The following AHI1 variants were observed in gnomAD, a reference collection of about 807,000 sequenced individuals.
AHI1 encodes jouberin.
In AHI1, 123 loss-of-function variants were observed where a neutral mutation model predicts 149.3. The ratio of observed to expected loss-of-function variants is 0.82; its 90% confidence interval spans 0.71 to 0.96. The LOEUF is 0.96. Ranked by LOEUF, AHI1 falls within the 40% of genes least tolerant of loss-of-function variation. The pLI is 0.00. For missense variants in AHI1, 1,439 were observed against 1,422.7 expected (o/e 1.01, Z -0.18); for synonymous variants, 475 against 459.8 (o/e 1.03, Z -0.42).
chr6:135,310,135 C>T (rs1161061496), intron 26 of AHI1, among the ~76,000 whole-genome samples: 1 of 152,066 alleles, frequency 6.6e-6, no homozygotes, highest in Admixed American at 6.5e-5. Flanking sequence ...AAAATCTGCA[C>T]TGTCTATTAT....
At chr6:135,348,903 A>C (rs1791647524) in intron 24 of AHI1, among the ~76,000 whole-genome samples, 2 of 152,204 alleles carry the variant, frequency 1.3e-5, no homozygotes, top group African/African-American at 4.8e-5. Context: ...AATATTAATA[A>C]GGCAGACACT....
chr6:135,427,021 T>C (rs1414649957), intron 20 of AHI1, 146 bp downstream of exon 20: 4 of 721,300 alleles, frequency 5.5e-6, no homozygotes, highest in Non-Finnish European at 8.8e-6. Context: ...ACAAAGAAAC[T>C]TGTGGCTAGC....
intron 24 of AHI1, among the ~76,000 whole-genome samples, chr6:135,340,687 A>ATATG (rs1790229790): frequency 1.4e-5 from 2 of 138,674 alleles, no homozygotes; most frequent in South Asian, 2.2e-4. Flanking sequence ...ATATATATAT[A>ATATG]TATATATATG....
Position 135,411,338 on chromosome 6 carries a change from A to G in AHI1, c.2961+10T>C. On this transcript the variant is annotated intron_variant, in intron 21 of 28. Coordinates refer to ENST00000265602, the MANE Select transcript of AHI1 (RefSeq NM_001134831.2). ...AGTTTTAAAGTTTCAACTGCATAAA[A>G]TAAACTTACTGTGACAGTTTCAAGC... 6.2e-7 allele frequency: 1 copy of G among 1,611,344 alleles called. No homozygotes were observed. The highest frequency in any genetic ancestry group is 8.5e-7 in the Non-Finnish European group (1 of 1,177,774).
chr6:135,444,168 G>A (rs1330902035), intron 13 of AHI1, among the ~76,000 whole-genome samples: 2 of 152,014 alleles, frequency 1.3e-5, no homozygotes, highest in Non-Finnish European at 2.9e-5. Flanking sequence ...TCTGTCTCTC[G>A]TATTCATTAG....
rs564700777 is a variant in AHI1, at chr6:135,295,231, T to C, written c.3486-4706A>G. Reference sequence around the variant, plus strand: ...CAAACAACAATGATATATCTCTACATGTATTGGAATGGCTAAATTAGAAGG... The same window carrying C: ...CAAACAACAATGATATATCTCTACACGTATTGGAATGGCTAAATTAGAAGG... On this transcript the variant is annotated intron_variant, in intron 27 of 28. Transcript: ENST00000265602. Among the ~76,000 whole-genome samples, 4 of 152,278 alleles carry C rather than the reference T, an allele frequency of 2.6e-5. No homozygotes were observed. In the East Asian group the frequency reaches 7.7e-4, roughly 29 times the overall value.
At chr6:135,440,725 A>G (rs888414898) in intron 14 of AHI1, among the ~76,000 whole-genome samples, 1 of 152,184 alleles carries the variant, frequency 6.6e-6, no homozygotes, top group African/African-American at 2.4e-5. Flanking sequence ...TCTCTGTCTG[A>G]CCACGAACTT....
intron 23 of AHI1, among the ~76,000 whole-genome samples, chr6:135,366,333 A>C (rs1354450878): frequency 6.6e-6 from 1 of 151,714 alleles, no homozygotes; most frequent in African/African-American, 2.4e-5. Context: ...CTTGTTCTCT[A>C]TCTTTTGGAA....
intron 15 of AHI1, among the ~76,000 whole-genome samples, chr6:135,434,503 G>T (rs942963278): frequency 2.6e-5 from 4 of 151,896 alleles, no homozygotes; most frequent in Non-Finnish European, 5.9e-5. Context: ...AATCTTAGTA[G>T]CATTATTTAA....
chr6:135,384,709 T>C (rs1777322805), intron 23 of AHI1, among the ~76,000 whole-genome samples: 1 of 152,234 alleles, frequency 6.6e-6, no homozygotes, highest in Non-Finnish European at 1.5e-5. Context: ...TATTGTAACA[T>C]CTGATTTGCT....
intron 26 of AHI1, among the ~76,000 whole-genome samples, chr6:135,305,640 C>G (rs1784451315): frequency 6.6e-6 from 1 of 152,176 alleles, no homozygotes; most frequent in South Asian, 2.1e-4. Flanking sequence ...GGTCTTATTT[C>G]TTTCAGTAGG....
chr6:135,306,979 C>T (rs1391696107), intron 26 of AHI1: 1 of 152,186 alleles, frequency 6.6e-6, no homozygotes, highest in Non-Finnish European at 1.5e-5. Flanking sequence ...TGGGACTAAA[C>T]TATTTCCTAA....
chr6:135,328,912 T>C (rs1213826219), intron 24 of AHI1, among the ~76,000 whole-genome samples: 1 of 152,132 alleles, frequency 6.6e-6, no homozygotes, highest in Non-Finnish European at 1.5e-5. Context: ...TATGGAAGTT[T>C]TAGTGGTCTG....
At position 135,429,949 on chromosome 6, in the gene AHI1, G is replaced by C; in HGVS notation, c.2425C>G (p.His809Asp). 6.3e-7 allele frequency: 1 copy of C among 1,588,712 alleles called. No homozygotes were observed. Among genetic ancestry groups the C allele is most frequent in the Non-Finnish European group, 8.6e-7 (1 of 1,166,062 alleles). ...KGIPISYLEI[H>D]PNGKRLLIHT... Reference sequence around the variant, plus strand: ...ATTAACAAACGTTTTCCATTGGGATGAATCTCCAAATAACTTATTGGAATT... The same window carrying C: ...ATTAACAAACGTTTTCCATTGGGATCAATCTCCAAATAACTTATTGGAATT... The change falls in exon 18 of 29, where the codon CAT (histidine) becomes GAT (aspartate). Residue 809 changes from histidine (H) to aspartate (D), a missense_variant. His to Asp is a moderately conservative substitution (Grantham distance 81, BLOSUM62 -1). Coordinates refer to ENST00000265602, the MANE Select transcript of AHI1 (RefSeq NM_001134831.2).
intron 10 of AHI1, 104 bp downstream of exon 10, chr6:135,455,630 C>T: frequency 1.1e-6 from 1 of 907,626 alleles, no homozygotes; most frequent in East Asian, 2.9e-5. Flanking sequence ...AATTCTCACA[C>T]AACTTTTTTT....
chr6:135,431,302 TAC>T lies in AHI1; in HGVS notation c.2277_2278del (p.Met759IlefsTer19). 1 of 1,596,150 alleles carries T rather than the reference TAC, an allele frequency of 6.3e-7. No individual in the cohort carries two copies. The highest frequency in any genetic ancestry group is 1.1e-5 in the South Asian group (1 of 88,834). On this transcript the variant is annotated frameshift_variant, in exon 17 of 29. Coordinates refer to ENST00000265602, the MANE Select transcript of AHI1 (RefSeq NM_001134831.2). LOFTEE classifies it high-confidence loss of function. ...AATCACCCCTGTACAATCTCCTGAA[TAC>T]ATATGATGACCTATTTAAAAAAATA...
intron 20 of AHI1, among the ~76,000 whole-genome samples, chr6:135,420,695 TA>T (rs1367684827): frequency 6.6e-6 from 1 of 152,182 alleles, no homozygotes; most frequent in African/African-American, 2.4e-5. Flanking sequence ...TGCTCTAGAT[TA>T]GGCTCTGGCA....
At chr6:135,402,033 C>A (rs973523245) in intron 22 of AHI1, among the ~76,000 whole-genome samples, 1 of 152,004 alleles carries the variant, frequency 6.6e-6, no homozygotes, top group Non-Finnish European at 1.5e-5. Context: ...TTTAAACAGA[C>A]ATTTCTCCAG....
intron 23 of AHI1, among the ~76,000 whole-genome samples, chr6:135,371,085 A>G (rs1281719933): frequency 6.6e-6 from 1 of 152,232 alleles, no homozygotes; most frequent in Non-Finnish European, 1.5e-5. Context: ...TTAAGTTTAA[A>G]GAGATAAAAA....
Sources: gnomAD v4.1 joint callset for allele counts (sites outside exome capture counted in the v4.1 genomes callset) on GRCh38, gnomAD v4.1.1 for gene constraint, MANE v1.5 for transcripts, NCBI Gene and HGNC (gene_info 2026-07-23, HGNC 2026-07-21) for gene names.